The following CLASP1 variants were observed in gnomAD, a reference collection of about 807,000 sequenced individuals.
CLASP1 encodes CLIP-associating protein 1.
CLASP1 carries 38 observed loss-of-function variants against 192.3 expected under a neutral mutation model. The observed-to-expected ratio is 0.20, with a 90% CI of 0.15 to 0.26. The LOEUF (loss-of-function observed/expected upper bound fraction) is 0.26, where lower values mean the gene tolerates loss of function less well. CLASP1 is among the 10% of genes least tolerant of loss of function. CLASP1 has a pLI of 1.00. For missense variants in CLASP1, 1,433 were observed against 1,932.5 expected (o/e 0.74, Z 4.85); for synonymous variants, 691 against 712.8 (o/e 0.97, Z 0.49).
intron 2 of CLASP1, among the ~76,000 whole-genome samples, chr2:121,597,701 T>C (rs1576347964): frequency 6.6e-6 from 1 of 152,244 alleles, no homozygotes; most frequent in Non-Finnish European, 1.5e-5. Context: ...TGTGGGACTG[T>C]ATTCACAAAA....
intron 37 of CLASP1, among the ~76,000 whole-genome samples, chr2:121,359,421 T>C (rs1016673926): frequency 6.6e-6 from 1 of 152,234 alleles, no homozygotes; most frequent in African/African-American, 2.4e-5. Flanking sequence ...CCAGAATCTC[T>C]TTGTAGTATC....
intron 1 of CLASP1, among the ~76,000 whole-genome samples, chr2:121,632,651 C>T (rs551775482): frequency 8.9e-4 from 136 of 152,234 alleles, no homozygotes; most frequent in African/African-American, 2.9e-3. Context: ...AAACCCAACA[C>T]TTTGAGAGGC....
At chr2:121,460,146 C>A in intron 11 of CLASP1, 21 bp from the exon 12 acceptor site, 1 of 1,594,054 alleles carries the variant, frequency 6.3e-7, no homozygotes, top group South Asian at 1.1e-5. Flanking sequence ...AGAGAAAATT[C>A]AGAAAAATAG....
At position 121,550,445 on chromosome 2, in the gene CLASP1, G is replaced by A. The variant is rs191605069; in HGVS notation, c.196-20120C>T. Among the ~76,000 whole-genome samples, 193 of 151,800 alleles carry A rather than the reference G, an allele frequency of 1.3e-3. 2 individuals are homozygous for A. Among genetic ancestry groups the A allele is most frequent in the South Asian group, 5.0e-3 (24 of 4,808 alleles). On this transcript the variant is annotated intron_variant, in intron 2 of 39. Transcript: ENST00000263710. ...CATGAAAAACAATTTTTAAAAAATC[G>A]ACAAATCCGGGAGGTTTTAAAAAAA...
intron 2 of CLASP1, among the ~76,000 whole-genome samples, chr2:121,553,002 A>C (rs1417552485): frequency 6.6e-6 from 1 of 152,258 alleles, no homozygotes; most frequent in African/African-American, 2.4e-5. Context: ...ATGGAATACT[A>C]TGCAGCCATA....
intron 8 of CLASP1, among the ~76,000 whole-genome samples, chr2:121,485,540 G>A (rs1179290969): frequency 6.6e-6 from 1 of 152,166 alleles, no homozygotes; most frequent in Non-Finnish European, 1.5e-5. Flanking sequence ...CCAATTGTGT[G>A]TGTGTGTTTT....
chr2:121,587,495 C>G (rs6746090), intron 2 of CLASP1, among the ~76,000 whole-genome samples: 1 of 152,082 alleles, frequency 6.6e-6, no homozygotes, highest in Non-Finnish European at 1.5e-5. Flanking sequence ...AACAGAAGAG[C>G]ACAAACTGGC....
intron 2 of CLASP1, among the ~76,000 whole-genome samples, chr2:121,540,026 A>G (rs2095194644): frequency 1.3e-5 from 2 of 152,250 alleles, no homozygotes; most frequent in African/African-American, 4.8e-5. Flanking sequence ...TGGCATAATC[A>G]ACACTTTAGA....
intron 2 of CLASP1, among the ~76,000 whole-genome samples, chr2:121,553,965 G>C (rs918754129): frequency 6.6e-6 from 1 of 151,682 alleles, no homozygotes; most frequent in Non-Finnish European, 1.5e-5. Context: ...TGCAATTTCC[G>C]AACTTTGGGA....
rs1326663566 is a variant in CLASP1, at chr2:121,402,658, A to G, written c.2734-788T>C. On this transcript the variant is annotated intron_variant, in intron 26 of 39. Transcript: ENST00000263710. ...TATCCTCACATTCTGCTTCTGAATC[A>G]GCAATCTAGGGGTGACAGGTAACAG... The G allele has an allele frequency of 5.8e-6, 3 of 518,928 alleles. No individual in the cohort carries two copies. The East Asian group carries it at 1.6e-4, about 28-fold the overall frequency. 32.1% of individuals were successfully genotyped at this position (518,928 alleles called of 1,614,324 possible).
At chr2:121,590,350 G>A (rs2062241822) in intron 2 of CLASP1, among the ~76,000 whole-genome samples, 1 of 152,166 alleles carries the variant, frequency 6.6e-6, no homozygotes, top group Admixed American at 6.6e-5. Flanking sequence ...CAAAAGATGA[G>A]AAACCACTTG....
chr2:121,467,708 C>T (rs10432592), intron 9 of CLASP1, among the ~76,000 whole-genome samples: 6,316 of 152,128 alleles, frequency 0.042, 169 homozygotes, highest in East Asian at 0.14. Flanking sequence ...TTTTGTCAGA[C>T]GGATAGATTG....
intron 1 of CLASP1, among the ~76,000 whole-genome samples, chr2:121,617,358 C>G (rs929297051): frequency 6.6e-6 from 1 of 152,198 alleles, no homozygotes; most frequent in African/African-American, 2.4e-5. Flanking sequence ...TGTAAATGTC[C>G]TCTAAATCAC....
At chr2:121,531,032 A>T (rs914995864) in intron 2 of CLASP1, 56 of 699,898 alleles carry the variant, frequency 8.0e-5, no homozygotes, top group African/African-American at 1.7e-4. Context: ...TCATAGACTT[A>T]TCAGTTCAAA....
At chr2:121,631,687 G>T (rs886908628) in intron 1 of CLASP1, among the ~76,000 whole-genome samples, 4 of 152,124 alleles carry the variant, frequency 2.6e-5, no homozygotes, top group African/African-American at 9.7e-5. Flanking sequence ...AAGGTGGGAG[G>T]ATCGCTTGAG....
At chr2:121,400,022 T>C (rs1574336964) in intron 28 of CLASP1, among the ~76,000 whole-genome samples, 1 of 152,156 alleles carries the variant, frequency 6.6e-6, no homozygotes, top group Non-Finnish European at 1.5e-5. Context: ...AGCCATCCTA[T>C]CTACTCCACT....
intron 32 of CLASP1, among the ~76,000 whole-genome samples, chr2:121,384,666 G>A (rs2072779904): frequency 6.6e-6 from 1 of 152,180 alleles, no homozygotes; most frequent in Non-Finnish European, 1.5e-5. Flanking sequence ...CATGTTGGGA[G>A]GCAGAGGTGG....
intron 2 of CLASP1, among the ~76,000 whole-genome samples, chr2:121,593,245 C>A (rs568821197): frequency 7.9e-5 from 12 of 152,258 alleles, no homozygotes; most frequent in Admixed American, 6.5e-4. Context: ...TGACGAACTA[C>A]ACACAGTAAG....
chr2:121,425,226 G>A lies in CLASP1; in HGVS notation c.2125C>T (p.Pro709Ser). ...CGCTTTTCTGAAGACGGTGTCACAG[G>A]TGGGCCTCGTGAGGAGCCCCCAGTA... is the stretch of plus-strand genomic sequence containing the variant. The change falls in exon 22 of 40, where the codon CCT becomes TCT. Residue 709 changes from proline (P) to serine (S), a missense_variant. Pro to Ser is a moderately conservative substitution (Grantham distance 74). This residue lies in a region of CLASP1 where 445 missense variants were observed against 535.5 expected (regional missense o/e 0.83). Transcript: ENST00000263710. The A allele has an allele frequency of 3.7e-6, 6 of 1,613,610 alleles. No individual in the cohort carries two copies. Among genetic ancestry groups the A allele is most frequent in the Middle Eastern group, 1.6e-4 (1 of 6,062 alleles).
Sources: gnomAD v4.1 joint callset for allele counts (sites outside exome capture counted in the v4.1 genomes callset) on GRCh38, gnomAD v4.1.1 for gene constraint, gnomAD v4.1.1 regional missense constraint, MANE v1.5 for transcripts, NCBI Gene and HGNC (gene_info 2026-07-23, HGNC 2026-07-21) for gene names.